The following NPSR1 variants were observed in gnomAD, a reference collection of about 807,000 sequenced individuals.
NPSR1 encodes neuropeptide S receptor 1, also known as neuropeptide S receptor.
A neutral mutation model predicts 46.9 loss-of-function variants in NPSR1; 48 were observed. The observed-to-expected ratio is 1.02, with a 90% CI of 0.81 to 1.30. The LOEUF (loss-of-function observed/expected upper bound fraction) is 1.30, where lower values mean the gene tolerates loss of function less well. Ranked by LOEUF, NPSR1 falls within the 50% of genes most tolerant of loss-of-function variation. NPSR1 has a pLI of 0.00. For missense variants in NPSR1, 450 were observed against 449.5 expected, an observed-to-expected ratio of 1.00 and a Z score of -0.01; for synonymous variants, 176 against 168.1, an observed-to-expected ratio of 1.05 and a Z score of -0.36.
intron 2 of NPSR1, among the ~76,000 whole-genome samples, chr7:34,737,177 G>A (rs10232363): frequency 1.1e-3 from 164 of 152,228 alleles, no homozygotes; most frequent in African/African-American, 3.8e-3. Flanking sequence ...TGAAAAGTAT[G>A]AGTAAACTCT....
At chr7:34,703,253 C>A (rs543718530) in intron 2 of NPSR1, among the ~76,000 whole-genome samples, 8 of 152,288 alleles carry the variant, frequency 5.3e-5, no homozygotes, top group African/African-American at 1.9e-4. Context: ...CGCCTGTAGT[C>A]CCAGCTACTC....
rs142709394 is a variant in NPSR1, at chr7:34,717,770, A to G, written c.280+33086A>G. Among the ~76,000 whole-genome samples the G allele has an allele frequency of 2.0e-5, 3 of 152,336 alleles. No homozygotes were observed. In the East Asian group the frequency reaches 5.8e-4, roughly 29 times the overall value. ...ATTTGAGTGCCGCTCATCAGTGAACAATAGCTAATCAGTGTGCAAATTCAG... is the reference window on the plus strand; with the variant it reads ...ATTTGAGTGCCGCTCATCAGTGAACGATAGCTAATCAGTGTGCAAATTCAG... On this transcript the variant is annotated intron_variant, in intron 2 of 8. Transcript: ENST00000360581.
chr7:34,789,080 A>C (rs538392581), intron 3 of NPSR1, among the ~76,000 whole-genome samples: 1 of 152,204 alleles, frequency 6.6e-6, no homozygotes, highest in African/African-American at 2.4e-5. Context: ...AAAAGCAAAA[A>C]TTTAAAATAT....
intron 2 of NPSR1, among the ~76,000 whole-genome samples, chr7:34,744,380 T>C (rs544082591): frequency 6.6e-6 from 1 of 152,322 alleles, no homozygotes; most frequent in East Asian, 1.9e-4. Context: ...TTCTTCTTTT[T>C]TGAGAGCAAG....
chr7:34,718,253 A>G (rs759885371), intron 2 of NPSR1, among the ~76,000 whole-genome samples: 2 of 152,232 alleles, frequency 1.3e-5, no homozygotes, highest in African/African-American at 2.4e-5. Context: ...CCAAAATGAC[A>G]AAAATGCAGC....
intron 4 of NPSR1, among the ~76,000 whole-genome samples, chr7:34,816,040 T>C (rs1158062248): frequency 6.6e-6 from 1 of 152,156 alleles, no homozygotes; most frequent in African/African-American, 2.4e-5. Context: ...AACATCATAA[T>C]GATAGGATCA....
At chr7:34,707,250 T>C (rs1435988559) in intron 2 of NPSR1, among the ~76,000 whole-genome samples, 1 of 152,180 alleles carries the variant, frequency 6.6e-6, no homozygotes, top group East Asian at 1.9e-4. Context: ...TAATGGTCCT[T>C]TGATTCTAAT....
intron 6 of NPSR1, among the ~76,000 whole-genome samples, chr7:34,837,813 C>A (rs1343038809): frequency 1.3e-5 from 2 of 152,202 alleles, no homozygotes; most frequent in African/African-American, 2.4e-5. Context: ...CCTGGACACT[C>A]CCTCCAGAGC....
At chr7:34,861,074 G>A (rs186976670) in intron 8 of NPSR1, among the ~76,000 whole-genome samples, 1 of 151,840 alleles carries the variant, frequency 6.6e-6, no homozygotes. Flanking sequence ...TTGAGGCTTC[G>A]TTCCAGGCAA....
intron 2 of NPSR1, among the ~76,000 whole-genome samples, chr7:34,777,247 G>A (rs1021924868): frequency 1.3e-5 from 2 of 152,150 alleles, no homozygotes; most frequent in African/African-American, 4.8e-5. Context: ...GGGAACTCAA[G>A]TTCTGACCAC....
At position 34,706,437 on chromosome 7, in the gene NPSR1, G is replaced by T. The variant is rs181295145; in HGVS notation, c.280+21753G>T. Among the ~76,000 whole-genome samples, 313 of 151,908 alleles carry T rather than the reference G, an allele frequency of 2.1e-3. 1 individual carries two copies. The highest frequency in any genetic ancestry group is 3.9e-3 in the Non-Finnish European group (263 of 67,930). The stretch of plus-strand genomic sequence containing the variant: ...ATATCTTGGTCCTATTCTTCTACGT[G>T]GGAAGAATAATTTATACTTTATTAA... On this transcript the variant is annotated intron_variant, in intron 2 of 8. Transcript: ENST00000360581.
intron 8 of NPSR1, among the ~76,000 whole-genome samples, chr7:34,870,893 T>A (rs1791436472): frequency 6.7e-6 from 1 of 150,148 alleles, no homozygotes. Flanking sequence ...GATGGATGGA[T>A]GGATGGATGA....
chr7:34,806,345 G>A (rs752409359), intron 3 of NPSR1, among the ~76,000 whole-genome samples: 17 of 152,062 alleles, frequency 1.1e-4, no homozygotes, highest in Non-Finnish European at 2.2e-4. Context: ...ATAACAAAAT[G>A]GGCTATCCAG....
intron 5 of NPSR1, among the ~76,000 whole-genome samples, chr7:34,829,212 C>A (rs1055808454): frequency 6.6e-5 from 10 of 151,790 alleles, no homozygotes; most frequent in Non-Finnish European, 1.5e-4. Context: ...TTGCCCCCGC[C>A]CCCTCATCAG....
chr7:34,751,730 C>T, intron 2 of NPSR1: 1 of 1,585,236 alleles, frequency 6.3e-7, no homozygotes, highest in Admixed American at 1.7e-5. Flanking sequence ...TTCGGGTCCC[C>T]CTGACTGGTT....
intron 2 of NPSR1, among the ~76,000 whole-genome samples, chr7:34,747,920 T>C (rs1052340297): frequency 6.6e-6 from 1 of 152,222 alleles, no homozygotes; most frequent in Admixed American, 6.5e-5. Flanking sequence ...ATCTGGACAC[T>C]GCTGCCTCTC....
intron 4 of NPSR1, among the ~76,000 whole-genome samples, chr7:34,821,111 A>G (rs2128753624): frequency 7.3e-6 from 1 of 136,124 alleles, no homozygotes; most frequent in South Asian, 2.5e-4. Context: ...GTTTACATTC[A>G]TGGATTTGTG....
chr7:34,730,840 C>G (rs865812087), intron 2 of NPSR1, among the ~76,000 whole-genome samples: 7 of 152,126 alleles, frequency 4.6e-5, no homozygotes, highest in Admixed American at 2.0e-4. Context: ...CCATGTCATC[C>G]TTGTTGACTG....
intron 2 of NPSR1, among the ~76,000 whole-genome samples, chr7:34,686,344 C>T (rs2128685789): frequency 6.6e-6 from 1 of 152,256 alleles, no homozygotes; most frequent in South Asian, 2.1e-4. Flanking sequence ...TGCCAAAGGT[C>T]TAAGACTGAA....
Sources: gnomAD v4.1 joint callset for allele counts (sites outside exome capture counted in the v4.1 genomes callset) on GRCh38, gnomAD v4.1.1 for gene constraint, MANE v1.5 for transcripts, NCBI Gene and HGNC (gene_info 2026-07-23, HGNC 2026-07-21) for gene names.